TEK: variants seen among roughly 807,000 people sequenced by gnomAD.
TEK encodes TEK receptor tyrosine kinase, also known as angiopoietin-1 receptor.
A neutral mutation model predicts 131.8 loss-of-function variants in TEK; 43 were observed. That is an observed-to-expected ratio of 0.33 (90% CI 0.26 to 0.42). The LOEUF is 0.42. TEK is among the 10% of genes least tolerant of loss of function. TEK has a pLI of 1.00. For synonymous variants in TEK, 580 were observed against 491.6 expected (o/e 1.18, Z -2.38); for missense variants, 1,162 against 1,384.4 (o/e 0.84, Z 2.55).
chr9:27,119,900 T>C (rs1378269484), intron 1 of TEK, among the ~76,000 whole-genome samples: 3 of 151,920 alleles, frequency 2.0e-5, no homozygotes, highest in African/African-American at 7.3e-5. Context: ...CGTGTGTGTG[T>C]GTGCATGTGG....
At chr9:27,205,908 GC>G (rs1195817782) in intron 14 of TEK, among the ~76,000 whole-genome samples, 1 of 152,186 alleles carries the variant, frequency 6.6e-6, no homozygotes, top group East Asian at 1.9e-4. Context: ...CTGACTCCAT[GC>G]CAGAGCTGGC....
chr9:27,118,983 AG>A (rs1821677941), intron 1 of TEK, among the ~76,000 whole-genome samples: 2 of 152,236 alleles, frequency 1.3e-5, no homozygotes, highest in South Asian at 4.1e-4. Context: ...AGATGGACCA[AG>A]ACAGGCACTC....
At chr9:27,137,291 A>G (rs914033114) in intron 1 of TEK, among the ~76,000 whole-genome samples, 4 of 152,184 alleles carry the variant, frequency 2.6e-5, no homozygotes, top group Non-Finnish European at 5.9e-5. Flanking sequence ...TGCTATTACA[A>G]TTGTGATTTA....
intron 15 of TEK, among the ~76,000 whole-genome samples, chr9:27,207,769 C>T (rs79707567): frequency 0.092 from 13,997 of 152,120 alleles, 684 homozygotes; most frequent in African/African-American, 0.11. Context: ...TTGGACCACA[C>T]TATTGAATCT....
At chr9:27,136,771 T>G (rs1195246690) in intron 1 of TEK, among the ~76,000 whole-genome samples, 2 of 152,204 alleles carry the variant, frequency 1.3e-5, no homozygotes, top group South Asian at 4.1e-4. Context: ...CATTCTTTTT[T>G]TTTCTCTTTC....
intron 12 of TEK, among the ~76,000 whole-genome samples, chr9:27,201,226 C>T (rs1165502016): frequency 8.1e-6 from 1 of 123,576 alleles, no homozygotes; most frequent in Non-Finnish European, 1.8e-5. Flanking sequence ...AGAATGACTC[C>T]TTTCAGGCAT....
At chr9:27,214,175 T>A (rs1445970517) in intron 18 of TEK, among the ~76,000 whole-genome samples, 1 of 152,194 alleles carries the variant, frequency 6.6e-6, no homozygotes, top group African/African-American at 2.4e-5. Flanking sequence ...AACCATACAG[T>A]CTTAGAGGAA....
chr9:27,111,548 C>A (rs554332409), intron 1 of TEK, among the ~76,000 whole-genome samples: 210 of 148,432 alleles, frequency 1.4e-3, no homozygotes, highest in African/African-American at 4.9e-3. Context: ...AAAAAAAAAG[C>A]CACTTTTTTT....
rs746069957 is a variant in TEK, at chr9:27,190,591, A to C, written c.1390A>C (p.Asn464His). 16 of 1,613,942 alleles carry C rather than the reference A, an allele frequency of 9.9e-6. No homozygotes were observed. In the East Asian group the frequency reaches 3.3e-4, roughly 34 times the overall value. The part of the protein sequence containing the change: ...IDTGHNFAVI[N>H]ISSEPYFGDG... The stretch of plus-strand genomic sequence containing the variant: ...CACTGGACATAACTTTGCTGTCATC[A>C]ACATCAGCTCTGAGCCTTACTTTGG... Residue 464 changes from asparagine to histidine, a missense_variant, in exon 10 of 23, where the codon AAC (asparagine) becomes CAC (histidine). Physicochemically the swap from Asn to His is moderately conservative, Grantham distance 68 (BLOSUM62 1). Around this residue, in one of 6 missense-constraint regions of TEK, gnomAD observed 477 missense variants for 471.0 expected, o/e 1.01. Transcript: ENST00000380036.
intron 2 of TEK, 43 bp from the exon 3 acceptor site, chr9:27,168,452 T>C: frequency 6.7e-7 from 1 of 1,492,430 alleles, no homozygotes; most frequent in Non-Finnish European, 9.3e-7. Flanking sequence ...CTGGAGAAAA[T>C]GTGTGATCCC....
intron 12 of TEK, among the ~76,000 whole-genome samples, chr9:27,201,125 A>G (rs2131203934): frequency 6.6e-6 from 1 of 152,288 alleles, no homozygotes; most frequent in South Asian, 2.1e-4. Context: ...TTTAGAATCT[A>G]TTGTAGAGTC....
intron 1 of TEK, among the ~76,000 whole-genome samples, chr9:27,140,696 TTATC>T (rs776479517): frequency 2.2e-4 from 34 of 152,214 alleles, no homozygotes; most frequent in South Asian, 8.3e-4. Context: ...TTAGTCTACT[TTATC>T]TGTCAAAATG....
chr9:27,125,024 T>G (rs1434813357), intron 1 of TEK, among the ~76,000 whole-genome samples: 1 of 152,088 alleles, frequency 6.6e-6, no homozygotes, highest in Non-Finnish European at 1.5e-5. Context: ...CTCTCATAAC[T>G]GCATCATAGC....
intron 1 of TEK, among the ~76,000 whole-genome samples, chr9:27,132,754 G>A (rs1486020069): frequency 6.6e-6 from 1 of 152,118 alleles, no homozygotes; most frequent in Admixed American, 6.5e-5. Flanking sequence ...GGAAAATGTA[G>A]ACATACAGAA....
At position 27,209,243 on chromosome 9, in the gene TEK, T is replaced by A; in HGVS notation, c.2686+12T>A. On this transcript the variant is annotated intron_variant, in intron 16 of 22. Transcript: ENST00000380036. ...ATGTGAACATCGAGGTAAGATGCTC[T>A]TTTCCTGTCTTTCCTGCCAGAGTTT... is the stretch of plus-strand genomic sequence containing the variant. The A allele has an allele frequency of 1.3e-6, 2 of 1,554,624 alleles. No individual in the cohort carries two copies. The highest frequency in any genetic ancestry group is 8.9e-7 in the Non-Finnish European group (1 of 1,125,982).
In TEK at chr9:27,229,743, A is replaced by T. The variant is rs946690230; in HGVS notation, c.*511A>T. 1 of 164,742 alleles carries T rather than the reference A, an allele frequency of 6.1e-6. No individual in the cohort carries two copies. Among genetic ancestry groups the T allele is most frequent in the Admixed American group, 5.6e-5 (1 of 17,730 alleles). 10.2% of individuals were successfully genotyped at this position (164,742 alleles called of 1,614,324 possible). The stretch of plus-strand genomic sequence containing the variant: ...GAAAAATCTAAGTGATATAAATCAG[A>T]TTCTTCTCTCTCAATTTTATCCCTC... On this transcript the variant is annotated 3_prime_UTR_variant, in exon 23 of 23. Coordinates refer to ENST00000380036, the MANE Select transcript of TEK (RefSeq NM_000459.5).
At chr9:27,118,501 G>A (rs1362669538) in intron 1 of TEK, among the ~76,000 whole-genome samples, 2 of 152,116 alleles carry the variant, frequency 1.3e-5, no homozygotes, top group Non-Finnish European at 2.9e-5. Flanking sequence ...GGGTATGGTG[G>A]CACACACCTG....
At chr9:27,136,875 C>G (rs76678245) in intron 1 of TEK, among the ~76,000 whole-genome samples, 22,434 of 151,936 alleles carry the variant, frequency 0.15, 2,561 homozygotes, top group African/African-American at 0.31. Context: ...TTCTACCTTT[C>G]TGCTAAAGAG....
chr9:27,158,604 G>T (rs905597662), intron 2 of TEK, among the ~76,000 whole-genome samples: 1 of 151,326 alleles, frequency 6.6e-6, no homozygotes, highest in African/African-American at 2.4e-5. Flanking sequence ...TTTAGAAGGG[G>T]AATATCCATC....
Sources: allele counts gnomAD v4.1 joint callset (sites outside exome capture counted in the v4.1 genomes callset), GRCh38; gene constraint gnomAD v4.1.1; regional missense constraint gnomAD v4.1.1; transcripts MANE v1.5; gene names NCBI Gene and HGNC (gene_info 2026-07-23, HGNC 2026-07-21).